Variants in WWP1 observed in about 807,000 individuals in gnomAD.
The protein encoded by WWP1 is WW domain containing E3 ubiquitin protein ligase 1, also known as NEDD4-like E3 ubiquitin-protein ligase WWP1.
A neutral mutation model predicts 130.6 loss-of-function variants in WWP1; 49 were observed. The ratio of observed to expected loss-of-function variants is 0.38; its 90% CI spans 0.30 to 0.48. The LOEUF (loss-of-function observed/expected upper bound fraction) is 0.48, where lower values mean the gene tolerates loss of function less well. Among genes scored for constraint, WWP1 ranks in the 20% least tolerant of loss-of-function variants. The pLI, the probability that WWP1 is intolerant of heterozygous loss-of-function variation, is 0.99. For synonymous variants in WWP1, 332 were observed against 367.8 expected, an observed-to-expected ratio of 0.90 and a Z score of 1.11; for missense variants, 809 against 1,100.6, an observed-to-expected ratio of 0.74 and a Z score of 3.75.
At chr8:86,381,475 G>A (rs1459458545) in intron 4 of WWP1, 30 bp from the exon 5 acceptor site, 3 of 1,596,830 alleles carry the variant, frequency 1.9e-6, no homozygotes, top group African/African-American at 1.4e-5. Context: ...GTCTACTCCT[G>A]TATTTTTGTT....
chr8:86,401,776 T>C lies in WWP1; in HGVS notation c.540-243T>C, dbSNP rs1563499135. 2.0e-5 allele frequency among the ~76,000 whole-genome samples: 3 copies of C among 152,114 alleles called. No individual in the cohort carries two copies. The South Asian group carries it at 6.2e-4, about 31-fold the overall frequency. On this transcript the variant is annotated intron_variant, in intron 7 of 24. Coordinates refer to ENST00000517970, the MANE Select transcript of WWP1 (RefSeq NM_007013.4). The stretch of plus-strand genomic sequence containing the variant: ...TTTTTTATCTGCAGAATGAATACAC[T>C]TAGAACTGAAAAGTAATTAAAACTT...
intron 5 of WWP1, among the ~76,000 whole-genome samples, chr8:86,395,728 G>C (rs1210419822): frequency 2.0e-5 from 3 of 152,148 alleles, no homozygotes; most frequent in African/African-American, 7.2e-5. Context: ...CAGAGTATTT[G>C]CAAAAATTTA....
In WWP1 at chr8:86,429,919, C is replaced by G. The variant is rs765371534; in HGVS notation, c.1333-778C>G. Among the ~76,000 whole-genome samples, 70 of 152,130 alleles carry G rather than the reference C, an allele frequency of 4.6e-4. 1 individual carries two copies. Among genetic ancestry groups the G allele is most frequent in the Non-Finnish European group, 6.9e-4 (47 of 68,024 alleles). On this transcript the variant is annotated intron_variant, in intron 11 of 24. Transcript: ENST00000517970. Reference sequence around the variant, plus strand: ...ACATTTTATGAACTTAGTGTCTTGGCTGGGAGCGGTGGCTTACACCTGTAA... The same window carrying G: ...ACATTTTATGAACTTAGTGTCTTGGGTGGGAGCGGTGGCTTACACCTGTAA...
In WWP1 at chr8:86,342,558, G is replaced by C. The variant is rs1822241292; in HGVS notation, c.-487G>C. Among the ~76,000 whole-genome samples the C allele has an allele frequency of 1.3e-5, 2 of 151,584 alleles. No individual in the cohort carries two copies. Among genetic ancestry groups the C allele is most frequent in the South Asian group, 4.1e-4 (2 of 4,822 alleles). ...CTCGGGGGAGGCGGATTCCGGGTCC[G>C]GAGTTGGAGGCTTTGGGCGGCCGCG... is the stretch of plus-strand genomic sequence containing the variant. On this transcript the variant is annotated 5_prime_UTR_variant, in exon 1 of 25. Transcript: ENST00000517970.
Position 86,380,766 on chromosome 8 carries a change from A to G in WWP1, c.111A>G (p.Gly37=). ...TTAAAAGAAAAAAGAACTGGTTCGG[A>G]ACAGCAATATATACAGAAGTAGTTG... ...AKLKRKKNWF[G]TAIYTEVVVD... Residue 37 remains glycine (G), a synonymous_variant, in exon 4 of 25, where the codon GGA becomes GGG. Transcript: ENST00000517970. The G allele has an allele frequency of 6.2e-7, 1 of 1,612,358 alleles. No individual in the cohort carries two copies. The highest frequency in any genetic ancestry group is 2.2e-5 in the East Asian group (1 of 44,792).
At chr8:86,389,473 G>A (rs1825488549) in intron 5 of WWP1, among the ~76,000 whole-genome samples, 1 of 152,186 alleles carries the variant, frequency 6.6e-6, no homozygotes, top group African/African-American at 2.4e-5. Context: ...CAGGTTGGGG[G>A]TAAGGTTATA....
chr8:86,358,680 C>A (rs898448439), intron 1 of WWP1, among the ~76,000 whole-genome samples: 1 of 151,746 alleles, frequency 6.6e-6, no homozygotes, highest in African/African-American at 2.4e-5. Flanking sequence ...ATATATAATT[C>A]TATTTTTTTG....
chr8:86,411,256 G>C (rs1808567613), intron 8 of WWP1, among the ~76,000 whole-genome samples: 1 of 151,974 alleles, frequency 6.6e-6, no homozygotes, highest in Admixed American at 6.6e-5. Flanking sequence ...GAAAACACTG[G>C]TTATCTTAAT....
At chr8:86,353,570 G>T (rs1823072302) in intron 1 of WWP1, among the ~76,000 whole-genome samples, 1 of 151,884 alleles carries the variant, frequency 6.6e-6, no homozygotes, top group African/African-American at 2.4e-5. Context: ...TCAGCTCACT[G>T]CAACCTCCAT....
At chr8:86,355,767 C>T (rs1208109371) in intron 1 of WWP1, among the ~76,000 whole-genome samples, 2 of 152,188 alleles carry the variant, frequency 1.3e-5, no homozygotes, top group Admixed American at 6.5e-5. Flanking sequence ...CAAAGGCTAG[C>T]TTAACAGCCC....
In WWP1 at chr8:86,425,202, AT is replaced by A; in HGVS notation, c.1062-16del. 6.3e-7 allele frequency: 1 copy of A among 1,589,856 alleles called. No homozygotes were observed. On this transcript the variant is annotated intron_variant, in intron 9 of 24. Transcript: ENST00000517970. ...TCCTAGTGTGTTGTCTCTTACTGTTATTTTTGTATTTTTATTAAAGGTGGGA... is the reference window on the plus strand; with the variant it reads ...TCCTAGTGTGTTGTCTCTTACTGTTATTTTGTATTTTTATTAAAGGTGGGA...
At position 86,402,034 on chromosome 8, in the gene WWP1, C is replaced by T. The variant is rs1343976970; in HGVS notation, c.555C>T (p.Gly185=). ...TTTTTTCAAGGTTGGCTGTTGAAGG[C>T]ACGAATGGAATAGATAATCATGTAC... ...ARTTARLAVE[G]TNGIDNHVPT... The change falls in exon 8 of 25, where the codon GGC becomes GGT. Residue 185 remains glycine (G), a synonymous_variant. Transcript: ENST00000517970. 2.5e-6 allele frequency: 4 copies of T among 1,574,906 alleles called. No homozygotes were observed. Among genetic ancestry groups the T allele is most frequent in the Non-Finnish European group, 3.5e-6 (4 of 1,159,354 alleles).
intron 2 of WWP1, among the ~76,000 whole-genome samples, chr8:86,373,193 G>T (rs1225497203): frequency 6.7e-6 from 1 of 149,104 alleles, no homozygotes; most frequent in Non-Finnish European, 1.5e-5. Flanking sequence ...TAACTTAATT[G>T]TATTACGGAC....
intron 1 of WWP1, among the ~76,000 whole-genome samples, chr8:86,362,071 T>TATACACATATATACACACATATATATAC (rs1192122344): frequency 3.0e-5 from 4 of 131,450 alleles, no homozygotes; most frequent in Non-Finnish European, 4.9e-5. Context: ...CACATATATA[T>TATACACATATATACACACATATATATAC]ACACATATAT....
At chr8:86,352,982 A>G (rs1823030952) in intron 1 of WWP1, among the ~76,000 whole-genome samples, 1 of 152,208 alleles carries the variant, frequency 6.6e-6, no homozygotes, top group African/African-American at 2.4e-5. Flanking sequence ...ATGATTCATT[A>G]TTAAATAGTC....
intron 22 of WWP1, among the ~76,000 whole-genome samples, chr8:86,460,263 G>C (rs538026804): frequency 6.6e-6 from 1 of 152,334 alleles, no homozygotes; most frequent in African/African-American, 2.4e-5. Flanking sequence ...ACTATTAAGA[G>C]TGGCAGCAGG....
chr8:86,349,311 G>T (rs1289935680), intron 1 of WWP1, among the ~76,000 whole-genome samples: 1 of 152,208 alleles, frequency 6.6e-6, no homozygotes, highest in South Asian at 2.1e-4. Context: ...GAGCCACCGT[G>T]CCTGGTCTGC....
At chr8:86,399,125 C>T (rs563554605) in intron 7 of WWP1, among the ~76,000 whole-genome samples, 1 of 152,248 alleles carries the variant, frequency 6.6e-6, no homozygotes, top group African/African-American at 2.4e-5. Context: ...GCAGCATATA[C>T]AGTGCTTTAT....
At chr8:86,438,936 G>A (rs1450631239) in intron 17 of WWP1, among the ~76,000 whole-genome samples, 2 of 152,016 alleles carry the variant, frequency 1.3e-5, no homozygotes, top group Non-Finnish European at 2.9e-5. Context: ...ATCATACAAT[G>A]TACAAAATGT....
Sources: gnomAD v4.1 joint callset for allele counts (sites outside exome capture counted in the v4.1 genomes callset) on GRCh38, gnomAD v4.1.1 for gene constraint, MANE v1.5 for transcripts, NCBI Gene and HGNC (gene_info 2026-07-23, HGNC 2026-07-21) for gene names.